Variants in KLHL32 observed in about 807,000 individuals in gnomAD.
KLHL32 encodes kelch like family member 32, also known as kelch-like protein 32.
In KLHL32, 35 loss-of-function variants were observed where a neutral mutation model predicts 64.8. The observed-to-expected ratio is 0.54, with a 90% CI of 0.41 to 0.72. The LOEUF (loss-of-function observed/expected upper bound fraction) is 0.72, where lower values mean the gene tolerates loss of function less well. KLHL32 is among the 30% of genes least tolerant of loss of function. The pLI, the probability that KLHL32 is intolerant of heterozygous loss-of-function variation, is 0.00. For synonymous variants in KLHL32, 259 were observed against 281.0 expected (o/e 0.92, Z 0.78); for missense variants, 589 against 768.5 (o/e 0.77, Z 2.76).
chr6:96,900,296 A>C, the KLHL32 span, among the ~76,000 whole-genome samples: 1 of 152,190 alleles, frequency 6.6e-6, no homozygotes, highest in Admixed American at 6.5e-5. Flanking sequence ...CAATATTTGC[A>C]TTGTTTTTCA....
intron 5 of KLHL32, among the ~76,000 whole-genome samples, chr6:97,077,536 G>A (rs913721799): frequency 7.2e-5 from 11 of 152,120 alleles, no homozygotes; most frequent in Non-Finnish European, 1.3e-4. Flanking sequence ...AAGATTCACT[G>A]TGGAAGTCAG....
intron 1 of KLHL32, among the ~76,000 whole-genome samples, chr6:96,930,157 A>T (rs1472909373): frequency 6.6e-6 from 1 of 152,198 alleles, no homozygotes; most frequent in Non-Finnish European, 1.5e-5. Context: ...TTCAGTGAGA[A>T]CATATTTGAT....
intron 3 of KLHL32, among the ~76,000 whole-genome samples, chr6:97,029,049 G>C (rs1005922254): frequency 2.6e-5 from 4 of 152,226 alleles, no homozygotes; most frequent in Non-Finnish European, 5.9e-5. Flanking sequence ...AATTTTGTGA[G>C]TTACCCAACT....
chr6:97,076,242 A>G (rs945446758), intron 5 of KLHL32, among the ~76,000 whole-genome samples: 1 of 152,224 alleles, frequency 6.6e-6, no homozygotes, highest in African/African-American at 2.4e-5. Flanking sequence ...ATAGAAAAAC[A>G]ATGTCCATAT....
At chr6:97,098,353 A>G (rs1562334447) in intron 6 of KLHL32, among the ~76,000 whole-genome samples, 2 of 152,100 alleles carry the variant, frequency 1.3e-5, no homozygotes, top group East Asian at 1.9e-4. Context: ...GCCTTTTTTT[A>G]TTTGTTGTCT....
At chr6:97,054,780 T>A (rs908862204) in intron 4 of KLHL32, among the ~76,000 whole-genome samples, 2 of 152,144 alleles carry the variant, frequency 1.3e-5, no homozygotes, top group African/African-American at 2.4e-5. Flanking sequence ...TCTGTCAAAG[T>A]AGGAACAACT....
Position 97,114,431 on chromosome 6 carries a change from T to C in KLHL32, c.1276T>C (p.Trp426Arg), listed in dbSNP as rs1178717366. The C allele has an allele frequency of 6.2e-7, 1 of 1,614,102 alleles. No homozygotes were observed. Among genetic ancestry groups the C allele is most frequent in the African/African-American group, 1.3e-5 (1 of 74,942 alleles). Residue 426 changes from tryptophan to arginine, a missense_variant, in exon 7 of 11, where the codon TGG (tryptophan) becomes CGG (arginine). Physicochemically the swap from Trp to Arg is moderately radical, Grantham distance 101. Transcript: ENST00000369261. ...GCGATATTGCCCCAAGAAGAACAAA[T>C]GGACTTTTGTTCAGTCCTTTGACAG... ...VERYCPKKNK[W>R]TFVQSFDRSL...
intron 3 of KLHL32, among the ~76,000 whole-genome samples, chr6:97,027,906 G>T (rs1582765652): frequency 6.6e-6 from 1 of 152,126 alleles, no homozygotes; most frequent in Admixed American, 6.5e-5. Context: ...TATTTGAAAG[G>T]CTATTAAGCA....
At chr6:97,060,934 G>A (rs546223360) in intron 4 of KLHL32, among the ~76,000 whole-genome samples, 10 of 152,060 alleles carry the variant, frequency 6.6e-5, no homozygotes, top group Non-Finnish European at 1.0e-4. Context: ...GGAATCAGTC[G>A]TGGCCCTCTC....
Position 96,996,568 on chromosome 6 carries a change from C to T in KLHL32, c.204+20391C>T, listed in dbSNP as rs549983619. 2.0e-4 allele frequency among the ~76,000 whole-genome samples: 31 copies of T among 152,138 alleles called. No individual in the cohort carries two copies. In the East Asian group the frequency reaches 2.7e-3, roughly 13 times the overall value. The stretch of plus-strand genomic sequence containing the variant: ...CCATTTTCTAGACACTGAATGAATT[C>T]GTAGTCTGGCAGGAGTTAGAAACAA... On this transcript the variant is annotated intron_variant, in intron 3 of 10. Transcript: ENST00000369261.
intron 3 of KLHL32, among the ~76,000 whole-genome samples, chr6:97,010,496 T>C (rs1780263880): frequency 6.6e-6 from 1 of 152,222 alleles, no homozygotes; most frequent in Non-Finnish European, 1.5e-5. Context: ...TTGAATCCTA[T>C]ATAGTGCATT....
At chr6:96,914,112 C>T in the KLHL32 span, among the ~76,000 whole-genome samples, 1 of 151,568 alleles carries the variant, frequency 6.6e-6, no homozygotes, top group Non-Finnish European at 1.5e-5. Flanking sequence ...AATCTACAAG[C>T]AAAAAAGGGT....
intron 3 of KLHL32, among the ~76,000 whole-genome samples, chr6:97,039,867 T>C (rs1055561327): frequency 6.6e-6 from 1 of 150,944 alleles, no homozygotes; most frequent in Non-Finnish European, 1.5e-5. Flanking sequence ...GAAAAGAAAA[T>C]CGCTCGAAGA....
intron 10 of KLHL32, among the ~76,000 whole-genome samples, chr6:97,137,027 C>T (rs1473888845): frequency 6.6e-6 from 1 of 152,150 alleles, no homozygotes; most frequent in Non-Finnish European, 1.5e-5. Flanking sequence ...TATCAATTTT[C>T]TTCTCTGTAA....
At chr6:96,927,133 G>T (rs1255608159) in intron 1 of KLHL32, among the ~76,000 whole-genome samples, 1 of 152,158 alleles carries the variant, frequency 6.6e-6, no homozygotes, top group Admixed American at 6.5e-5. Flanking sequence ...ACCATGAAGT[G>T]CTCTAAAATA....
intron 1 of KLHL32, among the ~76,000 whole-genome samples, chr6:96,949,008 G>A (rs1772252823): frequency 6.6e-6 from 1 of 152,134 alleles, no homozygotes; most frequent in Non-Finnish European, 1.5e-5. Flanking sequence ...TAAGATTTTA[G>A]ATTAATTTCA....
intron 1 of KLHL32, among the ~76,000 whole-genome samples, chr6:96,939,698 G>A (rs779266123): frequency 1.3e-5 from 2 of 152,140 alleles, no homozygotes; most frequent in African/African-American, 2.4e-5. Flanking sequence ...GCTGGAGGAC[G>A]GGTAGAGAAG....
intron 3 of KLHL32, among the ~76,000 whole-genome samples, chr6:97,022,799 T>C (rs1660534362): frequency 6.6e-6 from 1 of 152,162 alleles, no homozygotes; most frequent in Non-Finnish European, 1.5e-5. Context: ...AGAAGACTTG[T>C]ATTAGTTCAT....
At chr6:96,985,898 T>A (rs954876912) in intron 3 of KLHL32, among the ~76,000 whole-genome samples, 1 of 152,194 alleles carries the variant, frequency 6.6e-6, no homozygotes, top group Non-Finnish European at 1.5e-5. Flanking sequence ...CCGTCCAGCT[T>A]TGTTCCATTG....
Sources: gnomAD v4.1 joint callset for allele counts (sites outside exome capture counted in the v4.1 genomes callset) on GRCh38, gnomAD v4.1.1 for gene constraint, MANE v1.5 for transcripts, NCBI Gene and HGNC (gene_info 2026-07-23, HGNC 2026-07-21) for gene names.